The following PCDHGA7 variants were observed in gnomAD, a reference collection of about 807,000 sequenced individuals.
PCDHGA7 encodes protocadherin gamma-A7.
A neutral mutation model predicts 58.3 loss-of-function variants in PCDHGA7; 44 were observed. The ratio of observed to expected loss-of-function variants is 0.75; its 90% CI spans 0.59 to 0.97. The LOEUF is 0.97. PCDHGA7 is among the 50% of genes least tolerant of loss of function. The probability of loss-of-function intolerance (pLI) is 0.00; values close to 1 mark genes in which losing one functional copy is unlikely to be tolerated. For synonymous variants in PCDHGA7, 516 were observed against 504.2 expected, an observed-to-expected ratio of 1.02 and a Z score of -0.31; for missense variants, 1,266 against 1,188.7, an observed-to-expected ratio of 1.06 and a Z score of -0.96.
Position 141,384,679 on chromosome 5 carries a change from G to A in PCDHGA7, c.1780G>A (p.Val594Met), listed in dbSNP as rs773664166. The stretch of plus-strand genomic sequence containing the variant: ...CTACCTGGTGACCAAGGTGGTGGCG[G>A]TGGACAAAGATTCAGGCCAGAACGC... Reference protein sequence around the residue: ...PGYLVTKVVAVDKDSGQNAWL... With the variant: ...PGYLVTKVVAMDKDSGQNAWL... The change falls in exon 1 of 4, where the codon GTG becomes ATG. Residue 594 changes from valine (V) to methionine (M), a missense_variant. Physicochemically the swap from Val to Met is conservative, Grantham distance 21. Transcript: ENST00000518325. The A allele has an allele frequency of 2.0e-5, 33 of 1,614,216 alleles. No individual in the cohort carries two copies. Among genetic ancestry groups the A allele is most frequent in the Non-Finnish European group, 2.7e-5 (32 of 1,180,046 alleles).
chr5:141,409,004 G>A, intron 1 of PCDHGA7: 3 of 1,614,004 alleles, frequency 1.9e-6, no homozygotes, highest in Non-Finnish European at 1.7e-6. Context: ...GACAGCCACT[G>A]ACCAGGATGA....
chr5:141,472,188 G>C (rs779077950), intron 1 of PCDHGA7, among the ~76,000 whole-genome samples: 4 of 152,168 alleles, frequency 2.6e-5, no homozygotes, highest in Middle Eastern at 3.2e-3. Context: ...ATTGGAATTT[G>C]AATCTTTTTG....
In PCDHGA7 at chr5:141,431,615, G is replaced by C. The variant is rs1231591874; in HGVS notation, c.2424+46292G>C. The C allele has an allele frequency of 1.2e-6, 2 of 1,614,118 alleles. No individual in the cohort carries two copies. Among genetic ancestry groups the C allele is most frequent in the Non-Finnish European group, 8.5e-7 (1 of 1,180,050 alleles). ...GAGGTATTCCTTCCGGTATGTGGACGACAAGGCGGCCCAAGTTTTCAAACT... is the reference window on the plus strand; with the variant it reads ...GAGGTATTCCTTCCGGTATGTGGACCACAAGGCGGCCCAAGTTTTCAAACT... On this transcript the variant is annotated intron_variant, in intron 1 of 3. Coordinates refer to ENST00000518325, the MANE Select transcript of PCDHGA7 (RefSeq NM_018920.4). This position sits in a 1 kb window ranked among gnomAD's most constrained non-coding sequence, Gnocchi z 4.8.
At chr5:141,474,920 C>A (rs1363277892) in intron 1 of PCDHGA7, among the ~76,000 whole-genome samples, 2 of 152,232 alleles carry the variant, frequency 1.3e-5, no homozygotes, top group Admixed American at 6.5e-5. Context: ...TACATCTCAT[C>A]TCTGGCTTAT....
At position 141,413,701 on chromosome 5, in the gene PCDHGA7, C is replaced by T. The variant is rs764950275; in HGVS notation, c.2424+28378C>T. 1.1e-4 allele frequency: 177 copies of T among 1,613,654 alleles called. No individual in the cohort carries two copies. The Admixed American group carries it at 2.9e-3, about 27-fold the overall frequency. On this transcript the variant is annotated intron_variant, in intron 1 of 3. Coordinates refer to ENST00000518325, the MANE Select transcript of PCDHGA7 (RefSeq NM_018920.4). ...CGTGAACTCCCTGCAGAGCTATCAG[C>T]TCAGCCCCAATAAGCACTTCTCCCT...
At chr5:141,387,526 G>A (rs186607627) in intron 1 of PCDHGA7, among the ~76,000 whole-genome samples, 58 of 152,324 alleles carry the variant, frequency 3.8e-4, no homozygotes, top group African/African-American at 1.3e-3. Context: ...ATATACAGAC[G>A]TATCCACGTA....
chr5:141,419,275 G>T (rs777238100), intron 1 of PCDHGA7: 35 of 1,613,856 alleles, frequency 2.2e-5, no homozygotes, highest in Non-Finnish European at 2.9e-5. Flanking sequence ...CCTCCATAGC[G>T]CAAGTCAGTG....
rs1452714844 is a variant in PCDHGA7, at chr5:141,389,265, G to A, written c.2424+3942G>A. ...GTCTTCCTATATAGTCCACGTGGCC[G>A]AGAACAACCCGCCTGGAGCCTCTAT... On this transcript the variant is annotated intron_variant, in intron 1 of 3. Transcript: ENST00000518325. 3.7e-6 allele frequency: 6 copies of A among 1,613,886 alleles called. No homozygotes were observed. The highest frequency in any genetic ancestry group is 4.5e-5 in the East Asian group (2 of 44,886).
chr5:141,494,586 G>A (rs770159202), intron 1 of PCDHGA7, among the ~76,000 whole-genome samples: 1 of 152,112 alleles, frequency 6.6e-6, no homozygotes, highest in Non-Finnish European at 1.5e-5. Context: ...GCTCACTGTG[G>A]TCAGATGAAA....
chr5:141,432,084 T>A lies in PCDHGA7; in HGVS notation c.2424+46761T>A, dbSNP rs1372151428. 1.2e-6 allele frequency: 2 copies of A among 1,614,186 alleles called. No individual in the cohort carries two copies. Among genetic ancestry groups the A allele is most frequent in the Admixed American group, 1.7e-5 (1 of 60,022 alleles). On this transcript the variant is annotated intron_variant, in intron 1 of 3. Transcript: ENST00000518325. This position sits in a 1 kb window ranked among gnomAD's most constrained non-coding sequence, Gnocchi z 6.0. Reference sequence around the variant, plus strand: ...ACGGAAACTCATATCTCGCTGAACGTGGCAGACACCAACGACAACCCGCCG... The same window carrying A: ...ACGGAAACTCATATCTCGCTGAACGAGGCAGACACCAACGACAACCCGCCG...
chr5:141,389,918 C>A (rs1341057088), intron 1 of PCDHGA7: 5 of 1,613,966 alleles, frequency 3.1e-6, no homozygotes, highest in Non-Finnish European at 4.2e-6. Flanking sequence ...ACCGCCCCGA[C>A]CCCTCTGACC....
intron 1 of PCDHGA7, among the ~76,000 whole-genome samples, chr5:141,446,280 A>G (rs1011084291): frequency 2.6e-5 from 4 of 152,162 alleles, no homozygotes; most frequent in South Asian, 2.1e-4. Context: ...AATACAATGG[A>G]TAAATGGGGA....
At chr5:141,412,509 A>G (rs1452202369) in intron 1 of PCDHGA7, 2 of 152,208 alleles carry the variant, frequency 1.3e-5, no homozygotes, top group Admixed American at 1.3e-4. Flanking sequence ...AATAAGTTTA[A>G]TGAATTAAGT....
intron 1 of PCDHGA7, among the ~76,000 whole-genome samples, chr5:141,464,748 T>A (rs995568259): frequency 2.0e-5 from 3 of 152,190 alleles, no homozygotes; most frequent in Admixed American, 2.0e-4. Flanking sequence ...TATCTTTTTG[T>A]TTTTTTAGAG....
At chr5:141,420,190 A>T in intron 1 of PCDHGA7, 3 of 1,613,922 alleles carry the variant, frequency 1.9e-6, no homozygotes, top group Non-Finnish European at 2.5e-6. Flanking sequence ...GTCCAGCCAC[A>T]CAAGATAACC....
At chr5:141,427,897 C>T (rs866283444) in intron 1 of PCDHGA7, 1 of 1,571,008 alleles carries the variant, frequency 6.4e-7, no homozygotes. Context: ...CAGGGCTCGC[C>T]CGCGCTCAGC....
intron 1 of PCDHGA7, among the ~76,000 whole-genome samples, chr5:141,387,440 A>G (rs2090946110): frequency 6.6e-6 from 1 of 152,240 alleles, no homozygotes; most frequent in African/African-American, 2.4e-5. Flanking sequence ...TATGTACTTA[A>G]TCTACATGAT....
rs2099697431 is a variant in PCDHGA7 at position 141,490,222 on chromosome 5, C to T, written c.2425-4585C>T. The T allele has an allele frequency of 6.2e-7, 1 of 1,614,094 alleles. No homozygotes were observed. Among genetic ancestry groups the T allele is most frequent in the African/African-American group, 1.3e-5 (1 of 74,934 alleles). On this transcript the variant is annotated intron_variant, in intron 1 of 3. Coordinates refer to ENST00000518325, the MANE Select transcript of PCDHGA7 (RefSeq NM_018920.4). This position sits in a 1 kb window ranked among gnomAD's most constrained non-coding sequence, Gnocchi z 5.4. The stretch of plus-strand genomic sequence containing the variant: ...TGCAAGAGCCCGTGACCAGGGACAG[C>T]CTGCCATGGAGGGCCACTGTGTGAT...
At chr5:141,427,550 C>T (rs1310933864) in intron 1 of PCDHGA7, 1 of 643,730 alleles carries the variant, frequency 1.6e-6, no homozygotes, top group East Asian at 3.2e-5. Context: ...CCATCACTGC[C>T]ACTGACAAGG....
Sources: gnomAD v4.1 joint callset for allele counts (sites outside exome capture counted in the v4.1 genomes callset) on GRCh38, gnomAD v4.1.1 for gene constraint, Gnocchi (gnomAD v3.1) non-coding constraint, MANE v1.5 for transcripts, NCBI Gene and HGNC (gene_info 2026-07-23, HGNC 2026-07-21) for gene names.